Variants in EPHA6 observed in about 807,000 individuals in gnomAD.
EPHA6 encodes EPH receptor A6.
Under a neutral mutation model 112.0 loss-of-function variants are expected in EPHA6, and 50 were observed. The ratio of observed to expected loss-of-function variants is 0.45; its 90% CI spans 0.36 to 0.56. EPHA6 has a LOEUF of 0.56. Among genes scored for constraint, EPHA6 ranks in the 20% least tolerant of loss-of-function variants. The probability of loss-of-function intolerance (pLI) is 0.00; values close to 1 mark genes in which losing one functional copy is unlikely to be tolerated. For missense variants in EPHA6, 1,280 were observed against 1,417.4 expected, an observed-to-expected ratio of 0.90 and a Z score of 1.56; for synonymous variants, 529 against 490.7, an observed-to-expected ratio of 1.08 and a Z score of -1.03.
chr3:97,507,915 C>A (rs2107579394), intron 10 of EPHA6, among the ~76,000 whole-genome samples: 1 of 152,174 alleles, frequency 6.6e-6, no homozygotes, highest in Non-Finnish European at 1.5e-5. Flanking sequence ...AGGAATTTAT[C>A]CATTTCTTCT....
At chr3:97,166,458 G>A (rs368303734) in intron 3 of EPHA6, among the ~76,000 whole-genome samples, 1 of 151,930 alleles carries the variant, frequency 6.6e-6, no homozygotes, top group African/African-American at 2.4e-5. Flanking sequence ...TGTATCACGA[G>A]TAGGTGATTT....
chr3:96,980,936 TAAG>T (rs1472408189), intron 2 of EPHA6, among the ~76,000 whole-genome samples: 1 of 152,216 alleles, frequency 6.6e-6, no homozygotes, highest in African/African-American at 2.4e-5. Context: ...CTTATCAGCT[TAAG>T]GAGATTTTGG....
chr3:97,183,539 T>A (rs1004371874), intron 3 of EPHA6, among the ~76,000 whole-genome samples: 1 of 152,182 alleles, frequency 6.6e-6, no homozygotes, highest in Non-Finnish European at 1.5e-5. Context: ...ATAAAAGTTA[T>A]TCACATTCTA....
intron 1 of EPHA6, among the ~76,000 whole-genome samples, chr3:96,838,847 TATA>T (rs1267901305): frequency 6.6e-6 from 1 of 152,058 alleles, no homozygotes; most frequent in East Asian, 1.9e-4. Context: ...CCCCAATAAA[TATA>T]ATGTTTACTA....
chr3:97,545,649 A>G (rs1042660699), intron 11 of EPHA6, among the ~76,000 whole-genome samples: 2 of 152,056 alleles, frequency 1.3e-5, no homozygotes, highest in Non-Finnish European at 2.9e-5. Context: ...TTATCTGTCT[A>G]ATGTTGACAG....
chr3:97,359,761 GT>G (rs1410435917), intron 5 of EPHA6, among the ~76,000 whole-genome samples: 40 of 151,788 alleles, frequency 2.6e-4, no homozygotes, highest in African/African-American at 9.7e-4. Flanking sequence ...CTGTTTTTTG[GT>G]TTGGGTTTTA....
intron 5 of EPHA6, among the ~76,000 whole-genome samples, chr3:97,317,735 G>A (rs149982767): frequency 3.3e-5 from 5 of 152,036 alleles, no homozygotes; most frequent in African/African-American, 9.7e-5. Flanking sequence ...GACCTATAGT[G>A]GGAGATGAGA....
chr3:96,868,818 A>G (rs1368387699), intron 2 of EPHA6, among the ~76,000 whole-genome samples: 2 of 152,044 alleles, frequency 1.3e-5, no homozygotes, highest in South Asian at 2.1e-4. Context: ...TACATAAAAT[A>G]TAGGTAATTT....
intron 5 of EPHA6, among the ~76,000 whole-genome samples, chr3:97,264,003 T>A (rs1031867504): frequency 1.3e-5 from 2 of 152,220 alleles, no homozygotes; most frequent in Admixed American, 1.3e-4. Context: ...CCCCCTAGAA[T>A]CTAACTTTTT....
At chr3:97,698,028 G>A (rs2033146859) in intron 14 of EPHA6, among the ~76,000 whole-genome samples, 1 of 152,184 alleles carries the variant, frequency 6.6e-6, no homozygotes, top group Admixed American at 6.5e-5. Flanking sequence ...TTGAGACGGA[G>A]TTTCACTCTT....
At chr3:97,671,632 C>T (rs1204882175) in intron 14 of EPHA6, among the ~76,000 whole-genome samples, 1 of 152,108 alleles carries the variant, frequency 6.6e-6, no homozygotes, top group Non-Finnish European at 1.5e-5. Context: ...AATATCAAAT[C>T]TCCTTGCTAT....
Position 97,514,202 on chromosome 3 carries a change from G to A in EPHA6, c.2201-18156G>A, listed in dbSNP as rs544786482. 1.3e-4 allele frequency among the ~76,000 whole-genome samples: 20 copies of A among 152,262 alleles called. No homozygotes were observed. In the East Asian group the frequency reaches 3.3e-3, roughly 25 times the overall value. Reference sequence around the variant, plus strand: ...TTCCAAAGTTCTCAGGCAAGAATCTGTTTCCTCCTCTTTTCCAGCCTCTAA... The same window carrying A: ...TTCCAAAGTTCTCAGGCAAGAATCTATTTCCTCCTCTTTTCCAGCCTCTAA... On this transcript the variant is annotated intron_variant, in intron 10 of 17. Coordinates refer to ENST00000389672, the MANE Select transcript of EPHA6 (RefSeq NM_001080448.3).
intron 2 of EPHA6, among the ~76,000 whole-genome samples, chr3:96,914,154 A>C (rs985951813): frequency 3.3e-5 from 5 of 152,260 alleles, no homozygotes; most frequent in South Asian, 2.1e-4. Flanking sequence ...GCATAAATAC[A>C]GTTTTTTTAA....
At chr3:97,559,613 T>C (rs746760193) in intron 11 of EPHA6, 3 of 455,394 alleles carry the variant, frequency 6.6e-6, no homozygotes, top group South Asian at 4.7e-5. Context: ...TGATGACATA[T>C]ATCCTCAGGG....
At chr3:97,323,616 G>A (rs1318156518) in intron 5 of EPHA6, among the ~76,000 whole-genome samples, 1 of 143,702 alleles carries the variant, frequency 7.0e-6, no homozygotes, top group African/African-American at 2.9e-5. Flanking sequence ...CTCTACAGAA[G>A]ACAAAGCTCT....
At chr3:97,132,106 T>C (rs142650583) in intron 3 of EPHA6, among the ~76,000 whole-genome samples, 16 of 152,214 alleles carry the variant, frequency 1.1e-4, no homozygotes, top group Middle Eastern at 3.4e-3. Context: ...TCAAGTTAGT[T>C]TGATAATAAA....
chr3:97,643,446 A>C (rs2094028072), intron 14 of EPHA6, among the ~76,000 whole-genome samples: 1 of 151,936 alleles, frequency 6.6e-6, no homozygotes, highest in African/African-American at 2.4e-5. Context: ...TAACAATATT[A>C]ACTTTAAATG....
intron 4 of EPHA6, among the ~76,000 whole-genome samples, chr3:97,231,673 A>G (rs940515201): frequency 6.6e-6 from 1 of 152,150 alleles, no homozygotes; most frequent in African/African-American, 2.4e-5. Context: ...CCTGGGAGAA[A>G]GTTCCTCTGA....
rs902904555 is a variant in EPHA6 at position 96,964,561 on chromosome 3, A to G, written c.451-22769A>G. 3.3e-5 allele frequency among the ~76,000 whole-genome samples: 5 copies of G among 152,060 alleles called. No individual in the cohort carries two copies. In the East Asian group the frequency reaches 5.8e-4, roughly 18 times the overall value. ...CTATTTTTTTCATCATCTCTTTGTT[A>G]TACGATCTGTGTTTGTTGCTAGGAG... On this transcript the variant is annotated intron_variant, in intron 2 of 17. Coordinates refer to ENST00000389672, the MANE Select transcript of EPHA6 (RefSeq NM_001080448.3).
Sources: gnomAD v4.1 joint callset for allele counts (sites outside exome capture counted in the v4.1 genomes callset) on GRCh38, gnomAD v4.1.1 for gene constraint, MANE v1.5 for transcripts, NCBI Gene and HGNC (gene_info 2026-07-23, HGNC 2026-07-21) for gene names.